Variants in VPS8 observed in about 807,000 individuals in gnomAD.
VPS8 encodes vacuolar protein sorting-associated protein 8 homolog.
A neutral mutation model predicts 216.4 loss-of-function variants in VPS8; 129 were observed. That is an observed-to-expected ratio of 0.60 (90% CI 0.52 to 0.69). The LOEUF is 0.69. VPS8 is among the 30% of genes least tolerant of loss of function. The probability of loss-of-function intolerance (pLI) is 0.00; values close to 1 mark genes in which losing one functional copy is unlikely to be tolerated. For missense variants in VPS8, 1,531 were observed against 1,683.5 expected, an observed-to-expected ratio of 0.91 and a Z score of 1.59; for synonymous variants, 571 against 565.4, an observed-to-expected ratio of 1.01 and a Z score of -0.14.
intron 44 of VPS8, among the ~76,000 whole-genome samples, chr3:184,997,614 A>G (rs1280095492): frequency 2.0e-5 from 3 of 152,208 alleles, no homozygotes; most frequent in African/African-American, 7.2e-5. Flanking sequence ...ATTTGCCCTC[A>G]TGGAGTTTAC....
intron 8 of VPS8, among the ~76,000 whole-genome samples, chr3:184,844,972 A>G (rs975883870): frequency 5.3e-5 from 8 of 152,210 alleles, no homozygotes; most frequent in Non-Finnish European, 1.2e-4. Flanking sequence ...GTCTCATTTC[A>G]TATTTCTTGC....
At chr3:184,983,662 A>G (rs187664092) in intron 42 of VPS8, among the ~76,000 whole-genome samples, 4 of 152,290 alleles carry the variant, frequency 2.6e-5, no homozygotes, top group Admixed American at 1.3e-4. Context: ...AAATACTCCA[A>G]GATATATTTT....
chr3:184,899,212 A>T (rs1214658038), intron 24 of VPS8, among the ~76,000 whole-genome samples: 1 of 152,198 alleles, frequency 6.6e-6, no homozygotes, highest in African/African-American at 2.4e-5. Context: ...AGAAGAACCA[A>T]ACCCCATATC....
chr3:184,898,195 A>G (rs1046380629), intron 23 of VPS8, among the ~76,000 whole-genome samples: 16 of 152,188 alleles, frequency 1.1e-4, no homozygotes, highest in Admixed American at 2.0e-4. Context: ...GGGTAGGGAC[A>G]AAGTCTGGAT....
intron 40 of VPS8, among the ~76,000 whole-genome samples, chr3:184,980,423 CTCTT>C (rs1750010586): frequency 6.6e-6 from 1 of 152,194 alleles, no homozygotes; most frequent in Non-Finnish European, 1.5e-5. Context: ...CTCTCTCCCT[CTCTT>C]TCAGGAATGC....
intron 46 of VPS8, among the ~76,000 whole-genome samples, chr3:185,029,855 C>T (rs964970643): frequency 6.6e-6 from 1 of 152,192 alleles, no homozygotes; most frequent in African/African-American, 2.4e-5. Context: ...TGAGCTACCA[C>T]GCCCTGCCCA....
At chr3:184,930,636 A>G in intron 34 of VPS8, 68 bp downstream of exon 34, 3 of 1,186,974 alleles carry the variant, frequency 2.5e-6, no homozygotes, top group Non-Finnish European at 3.8e-6. Context: ...ACTTTATGCC[A>G]ACGAAGCAAT....
chr3:184,939,235 T>C (rs1312536990), intron 35 of VPS8, among the ~76,000 whole-genome samples: 1 of 152,114 alleles, frequency 6.6e-6, no homozygotes, highest in East Asian at 1.9e-4. Flanking sequence ...CAGAATGTTA[T>C]GTTATAACTG....
rs770694064 is a variant in VPS8, at chr3:184,983,067, T to C, written c.3558T>C (p.Leu1186=). 2.5e-6 allele frequency: 4 copies of C among 1,609,810 alleles called. No homozygotes were observed. The East Asian group carries it at 8.9e-5, about 36-fold the overall frequency. Residue 1186 remains leucine, a synonymous_variant, in exon 42 of 48, where the codon CTT becomes CTC. Coordinates refer to ENST00000625842, the MANE Select transcript of VPS8 (RefSeq NM_001009921.3). The part of the protein sequence containing the change: ...VLNSMAAFIA[L]PSILQRILQD... ...ATAGCATGGCAGCATTTATTGCCCT[T>C]CCATCAATCTTGCAAAGAATCTTAC...
At chr3:185,006,002 T>C (rs1208614480) in intron 45 of VPS8, among the ~76,000 whole-genome samples, 1 of 152,200 alleles carries the variant, frequency 6.6e-6, no homozygotes, top group African/African-American at 2.4e-5. Flanking sequence ...TAAAATGGGA[T>C]CTACACATCA....
rs74415188 is a variant in VPS8 at position 185,022,418 on chromosome 3, G to A, written c.4003-1918G>A. Among the ~76,000 whole-genome samples, 768 of 152,204 alleles carry A rather than the reference G, an allele frequency of 5.0e-3. 14 individuals carry two copies. Among genetic ancestry groups the A allele is most frequent in the Admixed American group, 0.036 (543 of 15,280 alleles). On this transcript the variant is annotated intron_variant, in intron 45 of 47. Transcript: ENST00000625842. ...TAGAATTCACTGCTGAAACCCTGTC[G>A]GCTAGGAATTTTCATTGCAGAAGGA...
intron 36 of VPS8, among the ~76,000 whole-genome samples, chr3:184,956,823 A>G (rs1394211068): frequency 6.6e-5 from 10 of 152,204 alleles, no homozygotes; most frequent in Non-Finnish European, 1.3e-4. Context: ...TATTATAACA[A>G]TAACCAAAAA....
At chr3:184,927,813 A>G (rs917536294) in intron 31 of VPS8, among the ~76,000 whole-genome samples, 9 of 152,168 alleles carry the variant, frequency 5.9e-5, no homozygotes, top group African/African-American at 1.2e-4. Flanking sequence ...ACGTAAGTGC[A>G]GTCACAATAC....
intron 4 of VPS8, among the ~76,000 whole-genome samples, chr3:184,833,466 A>G (rs1720436109): frequency 6.6e-6 from 1 of 151,986 alleles, no homozygotes; most frequent in South Asian, 2.1e-4. Flanking sequence ...CTCTTATGGG[A>G]TAGGGGCTGT....
At chr3:184,846,884 C>A (rs910799904) in intron 8 of VPS8, among the ~76,000 whole-genome samples, 1 of 152,086 alleles carries the variant, frequency 6.6e-6, no homozygotes, top group Non-Finnish European at 1.5e-5. Context: ...AAGGATCATG[C>A]AAAACATTAT....
At chr3:184,872,358 A>G (rs1004095007) in intron 21 of VPS8, among the ~76,000 whole-genome samples, 4 of 151,850 alleles carry the variant, frequency 2.6e-5, no homozygotes, top group African/African-American at 9.7e-5. Context: ...AAAAGATGAA[A>G]GGAACAAAGG....
At chr3:185,004,585 T>C (rs1240408311) in intron 45 of VPS8, among the ~76,000 whole-genome samples, 1 of 152,200 alleles carries the variant, frequency 6.6e-6, no homozygotes, top group African/African-American at 2.4e-5. Context: ...TGGTGTCTTA[T>C]TGCGGTTTCA....
intron 1 of VPS8, among the ~76,000 whole-genome samples, chr3:184,816,778 C>A (rs761477534): frequency 1.3e-5 from 2 of 152,056 alleles, no homozygotes; most frequent in African/African-American, 2.4e-5. Context: ...GCACAGGTGA[C>A]GTGAACTGCT....
At chr3:184,844,319 G>T (rs760789502) in intron 8 of VPS8, among the ~76,000 whole-genome samples, 2 of 152,092 alleles carry the variant, frequency 1.3e-5, no homozygotes, top group Non-Finnish European at 2.9e-5. Flanking sequence ...TACTTGGGAG[G>T]CTGAGGTGGG....
Sources: allele counts gnomAD v4.1 joint callset (sites outside exome capture counted in the v4.1 genomes callset), GRCh38; gene constraint gnomAD v4.1.1; transcripts MANE v1.5; gene names NCBI Gene and HGNC (gene_info 2026-07-23, HGNC 2026-07-21).